Variants in MYCBP2 observed in about 807,000 individuals in gnomAD.
The protein encoded by MYCBP2 is MYC binding protein 2, also known as E3 ubiquitin-protein ligase MYCBP2.
In MYCBP2, 120 loss-of-function variants were observed where a neutral mutation model predicts 525.3. That is an observed-to-expected ratio of 0.23 (90% CI 0.20 to 0.27). MYCBP2 has a LOEUF of 0.27. Ranked by LOEUF, MYCBP2 falls within the 10% of genes least tolerant of loss-of-function variation. The pLI is 1.00. For synonymous variants in MYCBP2, 1,894 were observed against 1,955.8 expected, an observed-to-expected ratio of 0.97 and a Z score of 0.83; for missense variants, 4,149 against 5,657.1, an observed-to-expected ratio of 0.73 and a Z score of 8.55.
intron 68 of MYCBP2, chr13:77,075,959 A>T (rs146834921): frequency 6.6e-6 from 1 of 152,348 alleles, no homozygotes; most frequent in African/African-American, 2.4e-5. Context: ...GACAAGGGAA[A>T]TCCTTGAAAT....
chr13:77,089,129 T>C (rs1279564341), intron 60 of MYCBP2, 98 bp from the exon 61 acceptor site: 3 of 880,932 alleles, frequency 3.4e-6, no homozygotes, highest in Admixed American at 3.1e-5. Context: ...TTGTCATTGG[T>C]TTTTTGAACA....
intron 45 of MYCBP2, among the ~76,000 whole-genome samples, chr13:77,157,579 C>T (rs1400757523): frequency 6.6e-6 from 1 of 151,888 alleles, no homozygotes; most frequent in Non-Finnish European, 1.5e-5. Flanking sequence ...AACTCTGTTT[C>T]TACAAAAAAT....
At chr13:77,232,848 T>C (rs2154302522) in intron 18 of MYCBP2, among the ~76,000 whole-genome samples, 1 of 152,262 alleles carries the variant, frequency 6.6e-6, no homozygotes, top group Non-Finnish European at 1.5e-5. Context: ...TAATAAAGGA[T>C]GTAAGACAGA....
At position 77,125,478 on chromosome 13, in the gene MYCBP2, A is replaced by T; in HGVS notation, c.7885-10T>A. The stretch of plus-strand genomic sequence containing the variant: ...CTTCAGAATTGGTTACCTGGTACAT[A>T]ACAAAAAGCATGATTGATTGGCTTG... On this transcript the variant is annotated splice_polypyrimidine_tract_variant and intron_variant, in intron 53 of 82. Transcript: ENST00000544440. The T allele has an allele frequency of 6.2e-7, 1 of 1,611,566 alleles. No individual in the cohort carries two copies. The highest frequency in any genetic ancestry group is 8.5e-7 in the Non-Finnish European group (1 of 1,179,054).
intron 21 of MYCBP2, among the ~76,000 whole-genome samples, chr13:77,212,874 A>G (rs1000703533): frequency 9.9e-5 from 15 of 152,204 alleles, no homozygotes; most frequent in Non-Finnish European, 1.8e-4. Context: ...GAATGCTGAC[A>G]TTGACTCAAT....
intron 33 of MYCBP2, 75 bp from the exon 34 acceptor site, chr13:77,180,393 T>G: frequency 7.9e-7 from 1 of 1,263,342 alleles, no homozygotes; most frequent in Non-Finnish European, 1.1e-6. Flanking sequence ...GAAAACCTTG[T>G]CTTTCTGATA....
chr13:77,274,277 T>C (rs1467987630), intron 4 of MYCBP2, among the ~76,000 whole-genome samples: 2 of 152,110 alleles, frequency 1.3e-5, no homozygotes, highest in African/African-American at 2.4e-5. Flanking sequence ...GTGGTGAAGA[T>C]GAAACACACA....
At chr13:77,272,503 T>C (rs1199273871) in intron 5 of MYCBP2, 1 of 152,212 alleles carries the variant, frequency 6.6e-6, no homozygotes, top group Non-Finnish European at 1.5e-5. Context: ...GTTACTTTAT[T>C]ACAATTTTTA....
At chr13:77,107,654 C>T (rs1389433107) in intron 55 of MYCBP2, among the ~76,000 whole-genome samples, 1 of 152,086 alleles carries the variant, frequency 6.6e-6, no homozygotes, top group East Asian at 1.9e-4. Context: ...GGGAGGATCA[C>T]TAGAGCCTGG....
intron 1 of MYCBP2, among the ~76,000 whole-genome samples, chr13:77,299,504 A>G (rs2078545771): frequency 6.6e-6 from 1 of 152,182 alleles, no homozygotes; most frequent in South Asian, 2.1e-4. Context: ...AGAGCCAGTA[A>G]TAAGTTGAAA....
chr13:77,297,488 A>G (rs1746301510), intron 1 of MYCBP2, among the ~76,000 whole-genome samples: 1 of 152,140 alleles, frequency 6.6e-6, no homozygotes, highest in South Asian at 2.1e-4. Flanking sequence ...TGCAGGGAGA[A>G]CGAAGGGGAG....
chr13:77,163,512 C>T (rs1000290888), intron 43 of MYCBP2, among the ~76,000 whole-genome samples: 1 of 152,162 alleles, frequency 6.6e-6, no homozygotes, highest in Non-Finnish European at 1.5e-5. Flanking sequence ...GAAAATAAAA[C>T]TTTAAACCAT....
In MYCBP2 at chr13:77,250,820, T is replaced by A. The variant is rs115838033; in HGVS notation, c.2381+331A>T. Among the ~76,000 whole-genome samples, 972 of 152,266 alleles carry A rather than the reference T, an allele frequency of 6.4e-3. 7 individuals are homozygous for A. The highest frequency in any genetic ancestry group is 0.022 in the African/African-American group (909 of 41,558). ...GATTCATGTTCAACAGAAAGAAATA[T>A]AATAGATATCTAGCATTAAATAGGC... On this transcript the variant is annotated intron_variant, in intron 15 of 82. Transcript: ENST00000544440.
chr13:77,249,098 G>A (rs1312113529), intron 15 of MYCBP2, among the ~76,000 whole-genome samples: 1 of 152,188 alleles, frequency 6.6e-6, no homozygotes, highest in Non-Finnish European at 1.5e-5. Flanking sequence ...AATAGTGGAT[G>A]CCAGAGGCAG....
Position 77,097,561 on chromosome 13 carries a change from C to G in MYCBP2, c.9593G>C (p.Cys3198Ser), listed in dbSNP as rs766038867. 15 of 1,613,122 alleles carry G rather than the reference C, an allele frequency of 9.3e-6. No individual in the cohort carries two copies. The highest frequency in any genetic ancestry group is 1.3e-5 in the Non-Finnish European group (15 of 1,179,732). Residue 3198 changes from cysteine to serine, a missense_variant, in exon 56 of 83, where the codon TGT (cysteine) becomes TCT (serine). Transcript: ENST00000544440. ...TTTGGACTTCTTATTCTCTTTCTCA[C>G]ACTCTTTCTTTTTAAGAACTGCACA... ...GSCAVLKKKECEKENKKSKKE... is the reference protein window; with the variant it reads ...GSCAVLKKKESEKENKKSKKE...
At chr13:77,164,576 T>C in intron 42 of MYCBP2, 35 bp from the exon 43 acceptor site, 1 of 1,245,126 alleles carries the variant, frequency 8.0e-7, no homozygotes, top group African/African-American at 1.5e-5. Flanking sequence ...GCTTTAAAAA[T>C]GTTTGAATGA....
chr13:77,069,919 T>C (rs934708784), intron 69 of MYCBP2, among the ~76,000 whole-genome samples: 7 of 152,108 alleles, frequency 4.6e-5, no homozygotes, highest in African/African-American at 1.7e-4. Flanking sequence ...ATATTTTATT[T>C]GACTTTTGAA....
intron 43 of MYCBP2, among the ~76,000 whole-genome samples, chr13:77,162,986 T>A (rs2058119420): frequency 1.3e-5 from 2 of 152,230 alleles, no homozygotes; most frequent in Admixed American, 1.3e-4. Context: ...AAATGGGACC[T>A]TCTTCTGCAA....
At chr13:77,056,560 A>G (rs1310192754) in intron 79 of MYCBP2, among the ~76,000 whole-genome samples, 1 of 152,206 alleles carries the variant, frequency 6.6e-6, no homozygotes, top group Non-Finnish European at 1.5e-5. Context: ...TGTTTTAACT[A>G]AGCTCTAAAA....
Sources: allele counts gnomAD v4.1 joint callset (sites outside exome capture counted in the v4.1 genomes callset), GRCh38; gene constraint gnomAD v4.1.1; transcripts MANE v1.5; gene names NCBI Gene and HGNC (gene_info 2026-07-23, HGNC 2026-07-21).